The following RTN4R variants were observed in gnomAD, a reference collection of about 807,000 sequenced individuals.
RTN4R encodes the protein reticulon 4 receptor.
Under a neutral mutation model 27.7 loss-of-function variants are expected in RTN4R, and 4 were observed. That is an observed-to-expected ratio of 0.14 (90% CI 0.07 to 0.33). RTN4R has a LOEUF of 0.33. RTN4R is among the 10% of genes least tolerant of loss of function. The probability of loss-of-function intolerance (pLI) is 1.00; values close to 1 mark genes in which losing one functional copy is unlikely to be tolerated. For missense variants in RTN4R, 554 were observed against 671.5 expected, an observed-to-expected ratio of 0.83 and a Z score of 1.93; for synonymous variants, 290 against 305.6, an observed-to-expected ratio of 0.95 and a Z score of 0.53.
chr22:20,267,789 C>T, intron 1 of RTN4R: 2 of 395,144 alleles, frequency 5.1e-6, no homozygotes, highest in Non-Finnish European at 9.9e-6. Context: ...CTCGACTTGG[C>T]CCAGCATCGG....
In RTN4R at chr22:20,242,344, C is replaced by G. The variant is rs765429355; in HGVS notation, c.789G>C (p.Val263=). 1.9e-6 allele frequency: 3 copies of G among 1,612,152 alleles called. No individual in the cohort carries two copies. Among genetic ancestry groups the G allele is most frequent in the Non-Finnish European group, 2.5e-6 (3 of 1,179,728 alleles). The change falls in exon 2 of 2, where the codon GTG becomes GTC. Residue 263 remains valine (V), a synonymous_variant. Transcript: ENST00000043402. The part of the protein sequence containing the change: ...QYLRLNDNPW[V]CDCRARPLWA... ...AGAGTGGGCGTGCCCGGCAGTCACA[C>G]ACCCAGGGGTTGTCGTTGAGCCTCA...
chr22:20,266,145 G>T (rs1327874846), intron 1 of RTN4R, among the ~76,000 whole-genome samples: 1 of 152,228 alleles, frequency 6.6e-6, no homozygotes, highest in Non-Finnish European at 1.5e-5. Flanking sequence ...CCCCTTTATA[G>T]ATGGGAAGAC....
At chr22:20,260,617 T>C (rs1218688496) in intron 1 of RTN4R, among the ~76,000 whole-genome samples, 1 of 152,128 alleles carries the variant, frequency 6.6e-6, no homozygotes, top group East Asian at 1.9e-4. Flanking sequence ...AAGGGGCTTC[T>C]GGGGTAGGGG....
intron 1 of RTN4R, among the ~76,000 whole-genome samples, chr22:20,264,517 A>G (rs1189580133): frequency 6.6e-6 from 1 of 152,176 alleles, no homozygotes. Flanking sequence ...CAAGGATCAC[A>G]CCCCTTGATT....
intron 1 of RTN4R, among the ~76,000 whole-genome samples, chr22:20,254,190 AGACTGAGGTGGGAG>A (rs2051199921): frequency 6.6e-6 from 1 of 152,042 alleles, no homozygotes; most frequent in Non-Finnish European, 1.5e-5. Context: ...GCACTTTGGG[AGACTGAGGTGGGAG>A]GACTGCTTGA....
rs1569032728 is a variant in RTN4R, at chr22:20,241,476, A to G, written c.*235T>C. The G allele has an allele frequency of 8.6e-6, 5 of 578,790 alleles. No homozygotes were observed. Among genetic ancestry groups the G allele is most frequent in the Middle Eastern group, 4.5e-4 (1 of 2,224 alleles). The allele number at this position is 578,790 out of a possible 1,614,324, so 35.9% of individuals were successfully genotyped here. A position where few individuals can be genotyped will look rare whatever the true frequency, so the allele number is the denominator to read the frequency against. On this transcript the variant is annotated 3_prime_UTR_variant, in exon 2 of 2. Coordinates refer to ENST00000043402, the MANE Select transcript of RTN4R (RefSeq NM_023004.6). The stretch of plus-strand genomic sequence containing the variant: ...TTTTTACACAAGTAAAATAAAATGC[A>G]TATCTCTATATACCGCGATCTGGGT...
At chr22:20,258,465 T>G (rs760977939) in intron 1 of RTN4R, among the ~76,000 whole-genome samples, 1 of 152,148 alleles carries the variant, frequency 6.6e-6, no homozygotes, top group African/African-American at 2.4e-5. Flanking sequence ...CTCCTGCCCA[T>G]GGAGTACTCA....
intron 1 of RTN4R, among the ~76,000 whole-genome samples, chr22:20,245,088 CTG>C (rs2051132195): frequency 1.3e-5 from 2 of 152,332 alleles, no homozygotes; most frequent in East Asian, 1.9e-4. Context: ...CCCGAAGCAG[CTG>C]TGTGTCCACT....
At chr22:20,263,020 C>T (rs1315666509) in intron 1 of RTN4R, among the ~76,000 whole-genome samples, 1 of 152,260 alleles carries the variant, frequency 6.6e-6, no homozygotes, top group East Asian at 1.9e-4. Context: ...GCCTGCCTAG[C>T]CCTGCCCCCT....
At chr22:20,263,897 G>C (rs2051262036) in intron 1 of RTN4R, among the ~76,000 whole-genome samples, 1 of 152,272 alleles carries the variant, frequency 6.6e-6, no homozygotes, top group African/African-American at 2.4e-5. Flanking sequence ...GGCCATAGCA[G>C]GCAAGACCAG....
At chr22:20,249,284 C>T in intron 1 of RTN4R, 1 of 505,930 alleles carries the variant, frequency 2.0e-6, no homozygotes, top group South Asian at 1.4e-5. Flanking sequence ...CTGGGCCCAG[C>T]ACTGCCATAC....
At chr22:20,267,258 G>C (rs1278288670) in intron 1 of RTN4R, among the ~76,000 whole-genome samples, 1 of 152,250 alleles carries the variant, frequency 6.6e-6, no homozygotes, top group Non-Finnish European at 1.5e-5. Flanking sequence ...GGAAACGTGT[G>C]TGCAGCCTGC....
intron 1 of RTN4R, among the ~76,000 whole-genome samples, chr22:20,264,643 A>G (rs1024654891): frequency 5.3e-5 from 8 of 152,332 alleles, no homozygotes; most frequent in Admixed American, 5.2e-4. Flanking sequence ...GGCTTTGAGG[A>G]GGGTGCCTGT....
At chr22:20,263,247 G>A (rs2051257988) in intron 1 of RTN4R, among the ~76,000 whole-genome samples, 1 of 152,136 alleles carries the variant, frequency 6.6e-6, no homozygotes, top group African/African-American at 2.4e-5. Flanking sequence ...AGGCCCACAG[G>A]TCTCCTCCTC....
intron 1 of RTN4R, among the ~76,000 whole-genome samples, chr22:20,252,619 C>T (rs2145978970): frequency 6.6e-6 from 1 of 152,232 alleles, no homozygotes; most frequent in East Asian, 1.9e-4. Context: ...CACCACTATC[C>T]TTATCACCAT....
chr22:20,248,750 C>G (rs558782213), intron 1 of RTN4R, among the ~76,000 whole-genome samples: 1 of 152,318 alleles, frequency 6.6e-6, no homozygotes, highest in East Asian at 1.9e-4. Context: ...GAGCCAGCCC[C>G]AGGCAGCATG....
intron 1 of RTN4R, among the ~76,000 whole-genome samples, chr22:20,266,700 G>T (rs998590285): frequency 2.0e-5 from 3 of 152,190 alleles, no homozygotes; most frequent in African/African-American, 7.2e-5. Context: ...CACACCCTGG[G>T]CTTTGCGGTA....
intron 1 of RTN4R, among the ~76,000 whole-genome samples, chr22:20,249,956 G>T (rs1223758093): frequency 6.6e-6 from 1 of 152,178 alleles, no homozygotes; most frequent in African/African-American, 2.4e-5. Flanking sequence ...CCCAGGGACT[G>T]CCCAGCCCTT....
intron 1 of RTN4R, among the ~76,000 whole-genome samples, chr22:20,247,500 T>C (rs1161730591): frequency 1.1e-5 from 1 of 90,438 alleles, no homozygotes; most frequent in African/African-American, 4.4e-5. Flanking sequence ...TGTCCCCCGA[T>C]CCTCGCTTGC....
Sources: allele counts gnomAD v4.1 joint callset (sites outside exome capture counted in the v4.1 genomes callset), GRCh38; gene constraint gnomAD v4.1.1; transcripts MANE v1.5; gene names NCBI Gene and HGNC (gene_info 2026-07-23, HGNC 2026-07-21).